Variants in RTTN observed in about 807,000 individuals in gnomAD.
RTTN encodes rotatin.
Under a neutral mutation model 269.2 loss-of-function variants are expected in RTTN, and 182 were observed. That is an observed-to-expected ratio of 0.68 (90% CI 0.60 to 0.76). RTTN has a LOEUF of 0.76. Ranked by LOEUF, RTTN falls within the 30% of genes least tolerant of loss-of-function variation. RTTN has a pLI of 0.00. For missense variants in RTTN, 2,545 were observed against 2,608.6 expected, an observed-to-expected ratio of 0.98 and a Z score of 0.53; for synonymous variants, 1,006 against 963.5, an observed-to-expected ratio of 1.04 and a Z score of -0.82.
rs576233329 is a variant in RTTN, at chr18:70,081,190, G to T, written c.4374+5423C>A. ...ACTTGAGGGAAAAGGGTGGGAAGGG[G>T]TGAGGGATAAAAGATACAAACTGTG... On this transcript the variant is annotated intron_variant, in intron 32 of 48. Transcript: ENST00000640769. Among the ~76,000 whole-genome samples the T allele has an allele frequency of 2.3e-3, 352 of 152,274 alleles. 1 individual carries two copies. The highest frequency in any genetic ancestry group is 8.1e-3 in the African/African-American group (338 of 41,562).
intron 10 of RTTN, among the ~76,000 whole-genome samples, chr18:70,185,389 A>G (rs1279122592): frequency 1.3e-5 from 2 of 152,208 alleles, no homozygotes; most frequent in Admixed American, 1.3e-4. Flanking sequence ...AAAAAGCTAA[A>G]TGATCATCTC....
intron 27 of RTTN, among the ~76,000 whole-genome samples, chr18:70,110,165 A>G (rs2059425027): frequency 6.6e-6 from 1 of 151,434 alleles, no homozygotes; most frequent in South Asian, 2.1e-4. Flanking sequence ...CTGGAGCTTG[A>G]GGTTACAGTG....
At chr18:70,067,867 T>C (rs1391931682) in intron 34 of RTTN, among the ~76,000 whole-genome samples, 1 of 152,180 alleles carries the variant, frequency 6.6e-6, no homozygotes, top group African/African-American at 2.4e-5. Context: ...ATGACAAAGG[T>C]CAGGCATTAA....
In RTTN at chr18:70,052,746, T is replaced by C. The variant is rs2057710379; in HGVS notation, c.5186-1198A>G. On this transcript the variant is annotated intron_variant, in intron 38 of 48. Coordinates refer to ENST00000640769, the MANE Select transcript of RTTN (RefSeq NM_173630.4). ...AATTCTTATAAAATCATTTAAAACT[T>C]ATTTTTTTCAGAAAAAAATTTTAAA... Among the ~76,000 whole-genome samples the C allele has an allele frequency of 4.6e-5, 7 of 151,198 alleles. 1 individual carries two copies. The South Asian group carries it at 1.5e-3, about 31-fold the overall frequency.
At chr18:70,074,430 C>G (rs1286588227) in intron 33 of RTTN, among the ~76,000 whole-genome samples, 1 of 152,066 alleles carries the variant, frequency 6.6e-6, no homozygotes, top group African/African-American at 2.4e-5. Context: ...TTTCTTGATT[C>G]TTCCAAGAAG....
At chr18:70,174,713 T>TAA (rs34093447) in intron 11 of RTTN, among the ~76,000 whole-genome samples, 5 of 138,410 alleles carry the variant, frequency 3.6e-5, no homozygotes, top group African/African-American at 7.9e-5. Context: ...AAGAAATGGT[T>TAA]AAAAAAAAAA....
Position 70,192,708 on chromosome 18 carries a change from CACAA to C in RTTN, c.1007+576_1007+579del, listed in dbSNP as rs199927853. 7.1e-3 allele frequency among the ~76,000 whole-genome samples: 1,049 copies of C among 147,718 alleles called. 8 individuals carry two copies. Among genetic ancestry groups the C allele is most frequent in the African/African-American group, 0.017 (700 of 40,348 alleles). ...AAAAAAAGAAAAAAATCTGTATTTA[CACAA>C]ACAAATACCATAAATTGTTCACCTT... is the stretch of plus-strand genomic sequence containing the variant. On this transcript the variant is annotated intron_variant, in intron 8 of 48. Transcript: ENST00000640769.
chr18:70,028,092 T>C (rs2145574708), intron 43 of RTTN, among the ~76,000 whole-genome samples: 1 of 152,354 alleles, frequency 6.6e-6, no homozygotes, highest in African/African-American at 2.4e-5. Flanking sequence ...AGCATCAATC[T>C]AGTATTTCAA....
At chr18:70,077,060 G>A (rs912568915) in intron 32 of RTTN, among the ~76,000 whole-genome samples, 2 of 151,690 alleles carry the variant, frequency 1.3e-5, no homozygotes, top group African/African-American at 4.8e-5. Context: ...AATAATATAG[G>A]GAAGGAATTA....
At chr18:70,157,916 TAA>T (rs57623242) in intron 14 of RTTN, among the ~76,000 whole-genome samples, 21 of 149,872 alleles carry the variant, frequency 1.4e-4, no homozygotes, top group Admixed American at 2.6e-4. Flanking sequence ...AAAAAAGAAT[TAA>T]AAAAAAAAAC....
At chr18:70,056,548 G>C (rs978275452) in intron 37 of RTTN, among the ~76,000 whole-genome samples, 1 of 152,172 alleles carries the variant, frequency 6.6e-6, no homozygotes, top group Non-Finnish European at 1.5e-5. Context: ...CAGACACTCA[G>C]AACACAATGG....
chr18:70,164,004 A>T (rs1035291057), intron 14 of RTTN, among the ~76,000 whole-genome samples: 1 of 152,164 alleles, frequency 6.6e-6, no homozygotes, highest in Non-Finnish European at 1.5e-5. Flanking sequence ...TATATGAGTT[A>T]CCTAGGGACC....
chr18:70,156,678 C>T (rs916572119), intron 14 of RTTN, among the ~76,000 whole-genome samples: 11 of 152,130 alleles, frequency 7.2e-5, no homozygotes, highest in Admixed American at 2.6e-4. Flanking sequence ...CTCCCCCGGA[C>T]GCCCAGCTTT....
chr18:70,204,283 A>C lies in RTTN; in HGVS notation c.220-20T>G. 1 of 1,584,806 alleles carries C rather than the reference A, an allele frequency of 6.3e-7. No homozygotes were observed. The highest frequency in any genetic ancestry group is 8.6e-7 in the Non-Finnish European group (1 of 1,166,804). ...GGGATACTAAAATAAGAAGAGGATGATCTTGAGAATAACTGTATCAAAATC... is the reference window on the plus strand; with the variant it reads ...GGGATACTAAAATAAGAAGAGGATGCTCTTGAGAATAACTGTATCAAAATC... On this transcript the variant is annotated intron_variant, in intron 2 of 48. Transcript: ENST00000640769.
At chr18:70,166,711 C>T (rs2145909423) in intron 13 of RTTN, 2 of 413,064 alleles carry the variant, frequency 4.8e-6, no homozygotes, top group South Asian at 5.6e-5. Flanking sequence ...GTAGGCATGA[C>T]ATTTTTGAAG....
chr18:70,004,186 G>A lies in RTTN; in HGVS notation c.6646C>T (p.Leu2216Phe). The change falls in exon 49 of 49, where the codon CTT (leucine) becomes TTT (phenylalanine). Residue 2216 changes from leucine (L) to phenylalanine (F), a missense_variant. Transcript: ENST00000640769. ...NPLNAYYLKC[L>F]ENLVQLLNSS ...TTAAGGAGCTGCACGAGGTTTTCAA[G>A]ACATTTCAAATAATAGGCATTTAGA... 6.2e-7 allele frequency: 1 copy of A among 1,613,834 alleles called. No homozygotes were observed. Among genetic ancestry groups the A allele is most frequent in the Non-Finnish European group, 8.5e-7 (1 of 1,179,772 alleles).
intron 20 of RTTN, 167 bp from the exon 21 acceptor site, chr18:70,139,883 G>A (rs934407584): frequency 2.8e-4 from 171 of 616,152 alleles, no homozygotes; most frequent in African/African-American, 1.3e-4. Flanking sequence ...AGTAAGTTTC[G>A]TATATACTTC....
At chr18:70,085,231 C>T (rs2058671748) in intron 32 of RTTN, among the ~76,000 whole-genome samples, 1 of 152,100 alleles carries the variant, frequency 6.6e-6, no homozygotes, top group South Asian at 2.1e-4. Flanking sequence ...GTTTTGTCTC[C>T]TGGTTTTATT....
chr18:70,193,219 T>A, intron 8 of RTTN, 69 bp downstream of exon 8: 1 of 1,342,516 alleles, frequency 7.4e-7, no homozygotes, highest in Non-Finnish European at 1.0e-6. Context: ...AATTATCTCC[T>A]TCTGAAATTA....
Sources: gnomAD v4.1 joint callset for allele counts (sites outside exome capture counted in the v4.1 genomes callset) on GRCh38, gnomAD v4.1.1 for gene constraint, MANE v1.5 for transcripts, NCBI Gene and HGNC (gene_info 2026-07-23, HGNC 2026-07-21) for gene names.